The following NOS1AP variants were observed in gnomAD, a reference collection of about 807,000 sequenced individuals.
The protein encoded by NOS1AP is nitric oxide synthase 1 adaptor protein, also known as carboxyl-terminal PDZ ligand of neuronal nitric oxide synthase protein.
NOS1AP carries 21 observed loss-of-function variants against 56.2 expected under a neutral mutation model. The ratio of observed to expected loss-of-function variants is 0.37; its 90% CI spans 0.26 to 0.54. NOS1AP has a LOEUF of 0.54. Ranked by LOEUF, NOS1AP falls within the 20% of genes least tolerant of loss-of-function variation. The probability of loss-of-function intolerance (pLI) is 0.84; values close to 1 mark genes in which losing one functional copy is unlikely to be tolerated. For synonymous variants in NOS1AP, 270 were observed against 274.6 expected (o/e 0.98, Z 0.17); for missense variants, 522 against 657.8 (o/e 0.79, Z 2.26).
intron 1 of NOS1AP, among the ~76,000 whole-genome samples, chr1:162,072,033 C>T (rs142327266): frequency 1.3e-5 from 2 of 151,678 alleles, no homozygotes; most frequent in East Asian, 3.9e-4. Flanking sequence ...GCACTCCACC[C>T]TGGGTGACAG....
intron 1 of NOS1AP, among the ~76,000 whole-genome samples, chr1:162,122,404 G>T (rs1043102486): frequency 6.6e-6 from 1 of 152,164 alleles, no homozygotes; most frequent in Non-Finnish European, 1.5e-5. Flanking sequence ...AGGTCACATT[G>T]TGCTACGCAT....
intron 5 of NOS1AP, among the ~76,000 whole-genome samples, chr1:162,336,583 T>G (rs537002309): frequency 6.6e-6 from 1 of 152,304 alleles, no homozygotes; most frequent in Admixed American, 6.5e-5. Context: ...TTGACTCAAT[T>G]TTGTAGTTGA....
At chr1:162,096,181 G>A (rs1692234978) in intron 1 of NOS1AP, among the ~76,000 whole-genome samples, 1 of 152,148 alleles carries the variant, frequency 6.6e-6, no homozygotes, top group African/African-American at 2.4e-5. Flanking sequence ...AGTGAAGATA[G>A]GATGGTAAAT....
intron 4 of NOS1AP, among the ~76,000 whole-genome samples, chr1:162,305,884 T>C (rs1314671979): frequency 1.3e-5 from 2 of 152,238 alleles, no homozygotes; most frequent in African/African-American, 4.8e-5. Flanking sequence ...TTTATTTCTA[T>C]AGGTTTCTTT....
intron 8 of NOS1AP, among the ~76,000 whole-genome samples, chr1:162,362,070 G>T (rs537632891): frequency 6.6e-6 from 1 of 152,316 alleles, no homozygotes; most frequent in African/African-American, 2.4e-5. Flanking sequence ...AACTGCCTAG[G>T]GAGTACCCAA....
At chr1:162,339,305 G>A (rs903056080) in intron 5 of NOS1AP, among the ~76,000 whole-genome samples, 4 of 152,112 alleles carry the variant, frequency 2.6e-5, no homozygotes, top group South Asian at 4.1e-4. Flanking sequence ...GCTTTTGGAC[G>A]AGAAGATTTG....
chr1:162,333,960 G>C (rs1405787460), intron 5 of NOS1AP, among the ~76,000 whole-genome samples: 1 of 152,166 alleles, frequency 6.6e-6, no homozygotes, highest in Non-Finnish European at 1.5e-5. Context: ...CTGCAGAAGA[G>C]ATTTTGGAAA....
chr1:162,302,645 T>A (rs1655702895), intron 4 of NOS1AP, among the ~76,000 whole-genome samples: 1 of 152,232 alleles, frequency 6.6e-6, no homozygotes, highest in Non-Finnish European at 1.5e-5. Flanking sequence ...CTGACTTTGC[T>A]TATTTTTAAT....
At chr1:162,108,716 T>TA (rs544311072) in intron 1 of NOS1AP, among the ~76,000 whole-genome samples, 27 of 150,222 alleles carry the variant, frequency 1.8e-4, no homozygotes, top group African/African-American at 4.4e-4. Context: ...TAACAAACAT[T>TA]AAAAAAAAAG....
chr1:162,222,118 A>G (rs1453093866), intron 2 of NOS1AP, among the ~76,000 whole-genome samples: 1 of 152,168 alleles, frequency 6.6e-6, no homozygotes, highest in Non-Finnish European at 1.5e-5. Flanking sequence ...CTAGCTGTGG[A>G]ATAGTGGAAT....
At position 162,070,119 on chromosome 1, in the gene NOS1AP, C is replaced by T; in HGVS notation, c.-59C>T. On this transcript the variant is annotated 5_prime_UTR_variant, in exon 1 of 10. Coordinates refer to ENST00000361897, the MANE Select transcript of NOS1AP (RefSeq NM_014697.3). ...AGCTCCAGTCTCCCCTCCCCGGGGT[C>T]TCGCCAGCCCCTTCCTGCAGCCGCC... 7.1e-7 allele frequency: 1 copy of T among 1,413,598 alleles called. No homozygotes were observed. The allele number at this position is 1,413,598 out of a possible 1,614,324, so 87.6% of individuals were successfully genotyped here.
At chr1:162,241,001 C>T (rs903897404) in intron 2 of NOS1AP, among the ~76,000 whole-genome samples, 2 of 152,148 alleles carry the variant, frequency 1.3e-5, no homozygotes, top group Non-Finnish European at 2.9e-5. Flanking sequence ...TGAGTAGAGG[C>T]TGAAATCCAG....
chr1:162,242,984 C>T (rs1027679732), intron 2 of NOS1AP, among the ~76,000 whole-genome samples: 45 of 142,498 alleles, frequency 3.2e-4, no homozygotes, highest in African/African-American at 1.0e-3. Context: ...CCCCTATATA[C>T]GCATACCCAT....
At chr1:162,085,439 C>A (rs1691982340) in intron 1 of NOS1AP, among the ~76,000 whole-genome samples, 1 of 152,080 alleles carries the variant, frequency 6.6e-6, no homozygotes. Flanking sequence ...TTGGAGCAGG[C>A]AAAGGAAGTT....
chr1:162,153,063 T>G (rs1649785699), intron 1 of NOS1AP, among the ~76,000 whole-genome samples: 1 of 152,190 alleles, frequency 6.6e-6, no homozygotes, highest in South Asian at 2.1e-4. Flanking sequence ...AATCAATGAA[T>G]CAGTGTTGGG....
At chr1:162,234,841 T>C (rs1475238960) in intron 2 of NOS1AP, among the ~76,000 whole-genome samples, 1 of 152,076 alleles carries the variant, frequency 6.6e-6, no homozygotes, top group East Asian at 1.9e-4. Flanking sequence ...TCAAATTGAG[T>C]GGGGAATTGT....
chr1:162,294,173 T>TAGGAAGGA (rs1295442688), intron 3 of NOS1AP, among the ~76,000 whole-genome samples: 1,601 of 84,710 alleles, frequency 0.019, 37 homozygotes, highest in Non-Finnish European at 0.022. Context: ...GGAAGGCAGG[T>TAGGAAGGA]AGGAAGGAAG....
At chr1:162,190,667 A>G (rs1460087802) in intron 2 of NOS1AP, among the ~76,000 whole-genome samples, 2 of 152,118 alleles carry the variant, frequency 1.3e-5, no homozygotes, top group East Asian at 1.9e-4. Flanking sequence ...ATTGTTAACT[A>G]TAGTTATCCG....
At chr1:162,144,244 A>G (rs1649355064) in intron 1 of NOS1AP, among the ~76,000 whole-genome samples, 1 of 152,198 alleles carries the variant, frequency 6.6e-6, no homozygotes, top group African/African-American at 2.4e-5. Context: ...GCATTGGCTT[A>G]TGTTCATCCT....
Sources: allele counts gnomAD v4.1 joint callset (sites outside exome capture counted in the v4.1 genomes callset), GRCh38; gene constraint gnomAD v4.1.1; transcripts MANE v1.5; gene names NCBI Gene and HGNC (gene_info 2026-07-23, HGNC 2026-07-21).